The following TRAF1 variants were observed in gnomAD, a reference collection of about 807,000 sequenced individuals.
TRAF1 encodes the protein TNF receptor associated factor 1.
Under a neutral mutation model 40.9 loss-of-function variants are expected in TRAF1, and 23 were observed. The observed-to-expected ratio is 0.56, with a 90% CI of 0.40 to 0.80. The LOEUF (loss-of-function observed/expected upper bound fraction) is 0.80. Ranked by LOEUF, TRAF1 falls within the 30% of genes least tolerant of loss-of-function variation. The pLI is 0.00. For missense variants in TRAF1, 477 were observed against 528.7 expected (o/e 0.90, Z 0.96); for synonymous variants, 206 against 218.8 (o/e 0.94, Z 0.52).
chr9:120,915,336 A>G (rs2046562127), intron 3 of TRAF1, among the ~76,000 whole-genome samples: 1 of 152,114 alleles, frequency 6.6e-6, no homozygotes, highest in Non-Finnish European at 1.5e-5. Context: ...AATTGTTAAC[A>G]CTGTAAGTAC....
rs1179938549 is a variant in TRAF1, at chr9:120,911,423, C to A, written c.796G>T (p.Asp266Tyr). The A allele has an allele frequency of 6.2e-7, 1 of 1,613,636 alleles. No individual in the cohort carries two copies. The highest frequency in any genetic ancestry group is 8.5e-7 in the Non-Finnish European group (1 of 1,180,026). Residue 266 changes from aspartate to tyrosine, a missense_variant, in exon 6 of 8, where the codon GAT (aspartate) becomes TAT (tyrosine). By Grantham distance (160) the Asp-to-Tyr change is radical. Coordinates refer to ENST00000373887, the MANE Select transcript of TRAF1 (RefSeq NM_005658.5). ...SLRLMEEASF[D>Y]GTFLWKITNV... is the part of the protein sequence containing the mutation. ...GTGATCTTCCACAGGAAAGTGCCAT[C>A]GAAGGAGGCCTCCTCCATGAGGCGC...
At chr9:120,905,529 C>T (rs1564116055) in intron 7 of TRAF1, among the ~76,000 whole-genome samples, 2 of 152,212 alleles carry the variant, frequency 1.3e-5, no homozygotes, top group African/African-American at 4.8e-5. Flanking sequence ...TCTGATGCCC[C>T]AGTCAAGTGT....
At chr9:120,911,191 G>T (rs2131622481) in intron 6 of TRAF1, 145 bp downstream of exon 6, 1 of 926,226 alleles carries the variant, frequency 1.1e-6, no homozygotes, top group Non-Finnish European at 1.6e-6. Context: ...CATGGTTCCT[G>T]CCCATGGTGA....
chr9:120,912,530 GC>G (rs1229993047), intron 5 of TRAF1, among the ~76,000 whole-genome samples: 2 of 152,050 alleles, frequency 1.3e-5, no homozygotes, highest in African/African-American at 4.8e-5. Context: ...GGTGGCACAC[GC>G]CTGTAATCCC....
intron 7 of TRAF1, among the ~76,000 whole-genome samples, chr9:120,907,988 G>T (rs780350284): frequency 1.5e-4 from 23 of 152,208 alleles, no homozygotes; most frequent in Non-Finnish European, 2.9e-4. Flanking sequence ...AACCTCCCAG[G>T]CTCAAGCAAT....
Position 120,917,559 on chromosome 9 carries a change from C to T in TRAF1, c.229-3259G>A, listed in dbSNP as rs144086041. 3.3e-5 allele frequency among the ~76,000 whole-genome samples: 5 copies of T among 152,316 alleles called. No homozygotes were observed. The East Asian group carries it at 9.6e-4, about 29-fold the overall frequency. ...AACTTAACAGCTTAAAACAACACAG[C>T]TTTATTATCGTACAGTTCTGGAGGC... On this transcript the variant is annotated intron_variant, in intron 3 of 7. Coordinates refer to ENST00000373887, the MANE Select transcript of TRAF1 (RefSeq NM_005658.5).
chr9:120,925,945 TCAGAGAGACAGCCTGCA>T lies in TRAF1; in HGVS notation c.114_130del (p.Cys38Ter). 6.2e-7 allele frequency: 1 copy of T among 1,613,982 alleles called. No individual in the cohort carries two copies. Among genetic ancestry groups the T allele is most frequent in the South Asian group, 1.1e-5 (1 of 91,080 alleles). On this transcript the variant is annotated stop_gained and frameshift_variant, in exon 2 of 8. Coordinates refer to ENST00000373887, the MANE Select transcript of TRAF1 (RefSeq NM_005658.5). LOFTEE classifies it high-confidence loss of function. ...TCCTCCATCACCTCACCTCGGGTTCTCAGAGAGACAGCCTGCACAGCAGAGAGCCCTGGGCTCCTTTG... is the reference window on the plus strand; with the variant it reads ...TCCTCCATCACCTCACCTCGGGTTCTCAGCAGAGAGCCCTGGGCTCCTTTG...
At chr9:120,922,408 TA>T (rs765185955) in intron 3 of TRAF1, among the ~76,000 whole-genome samples, 14 of 152,368 alleles carry the variant, frequency 9.2e-5, no homozygotes, top group Non-Finnish European at 1.8e-4. Flanking sequence ...TTTGGTTTTA[TA>T]AATGGAAAGA....
intron 6 of TRAF1, among the ~76,000 whole-genome samples, 164 bp downstream of exon 6, chr9:120,911,172 A>G (rs2046523294): frequency 1.3e-5 from 2 of 152,260 alleles, no homozygotes; most frequent in Admixed American, 1.3e-4. Context: ...ACCAACCTGA[A>G]GATCCCAGCA....
upstream of TRAF1, chr9:120,929,165 G>C (rs1332757384): frequency 6.6e-6 from 1 of 152,408 alleles, no homozygotes; most frequent in Admixed American, 6.5e-5. This position sits in a 1 kb window ranked among gnomAD's most constrained non-coding sequence, Gnocchi z 4.5. Context: ...GGAGCTTCCG[G>C]TGGAGTGTGA....
rs1043376783 is a variant in TRAF1, at chr9:120,911,341, G to T, written c.878C>A (p.Ser293Tyr). Residue 293 changes from serine to tyrosine, a missense_variant, in exon 6 of 8, where the codon TCC becomes TAC. Ser to Tyr is a moderately radical substitution (Grantham distance 144, BLOSUM62 -2). Transcript: ENST00000373887. ...GTGCCCCTGGGAGGTGTTACCTGGG[G>T]AGAAGAGGCTGACGGTCCTGCCACA... ...SACGRTVSLF[S>Y]PAFYTAKYGY... is the part of the protein sequence containing the mutation. 6.2e-7 allele frequency: 1 copy of T among 1,613,070 alleles called. No individual in the cohort carries two copies.
chr9:120,923,621 G>A lies in TRAF1; in HGVS notation c.228+84C>T, dbSNP rs1481487938. 3.8e-6 allele frequency: 5 copies of A among 1,312,368 alleles called. No homozygotes were observed. The African/African-American group carries it at 7.3e-5, about 19-fold the overall frequency. The allele number at this position is 1,312,368 out of a possible 1,614,324, so 81.3% of individuals were successfully genotyped here. On this transcript the variant is annotated intron_variant, in intron 3 of 7. Coordinates refer to ENST00000373887, the MANE Select transcript of TRAF1 (RefSeq NM_005658.5). The stretch of plus-strand genomic sequence containing the variant: ...ACTAGTTGGGAGGTGCCTGCCAGGG[G>A]TGGAGTGGGCAGCTGTCTACTTGGC...
At chr9:120,918,403 T>G (rs2046582926) in intron 3 of TRAF1, among the ~76,000 whole-genome samples, 1 of 151,054 alleles carries the variant, frequency 6.6e-6, no homozygotes, top group South Asian at 2.1e-4. Flanking sequence ...TGTTGAATAC[T>G]ACTGCTACTA....
intron 3 of TRAF1, 112 bp from the exon 4 acceptor site, chr9:120,914,412 CTT>C: frequency 7.9e-7 from 1 of 1,272,536 alleles, no homozygotes; most frequent in South Asian, 3.1e-5. Context: ...GGCCACATGA[CTT>C]TGCACACTGC....
rs766369886 is a variant in TRAF1 at position 120,909,364 on chromosome 9, T to C, written c.898A>G (p.Lys300Glu). 6.2e-7 allele frequency: 1 copy of C among 1,614,080 alleles called. No homozygotes were observed. The highest frequency in any genetic ancestry group is 1.1e-5 in the South Asian group (1 of 91,082). ...SLFSPAFYTA[K>E]YGYKLCLRLY... ...CGCAGGCACAACTTGTAGCCATACT[T>C]GGCAGTGTAGAAGGCTGAAACGCAG... The change falls in exon 7 of 8, where the codon AAG becomes GAG. Residue 300 changes from lysine (K) to glutamate (E), a missense_variant. Lys to Glu is a moderately conservative substitution (Grantham distance 56). Transcript: ENST00000373887.
At chr9:120,909,455 T>A in intron 6 of TRAF1, 77 bp from the exon 7 acceptor site, 1 of 1,554,678 alleles carries the variant, frequency 6.4e-7, no homozygotes, top group Non-Finnish European at 8.7e-7. Context: ...TGGTCAGGCA[T>A]GCCCAAGGTC....
intron 5 of TRAF1, among the ~76,000 whole-genome samples, chr9:120,913,123 C>G (rs150516589): frequency 1.3e-5 from 2 of 152,140 alleles, no homozygotes; most frequent in African/African-American, 4.8e-5. Flanking sequence ...GCAAAGGAAC[C>G]GAAGCACTGG....
At chr9:120,918,733 T>C (rs1424757982) in intron 3 of TRAF1, among the ~76,000 whole-genome samples, 2 of 152,186 alleles carry the variant, frequency 1.3e-5, no homozygotes, top group African/African-American at 2.4e-5. Context: ...AGAGTCACCT[T>C]AACACAGGCA....
At chr9:120,924,453 A>T (rs2284926) in intron 2 of TRAF1, among the ~76,000 whole-genome samples, 21,510 of 151,892 alleles carry the variant, frequency 0.14, 2,241 homozygotes, top group African/African-American at 0.29. Context: ...CTTACTCTGT[A>T]GCCCAGGCTG....
Sources: allele counts gnomAD v4.1 joint callset (sites outside exome capture counted in the v4.1 genomes callset), GRCh38; gene constraint gnomAD v4.1.1; non-coding constraint Gnocchi (gnomAD v3.1); transcripts MANE v1.5; gene names NCBI Gene and HGNC (gene_info 2026-07-23, HGNC 2026-07-21).